YLPM1: variants seen among roughly 807,000 people sequenced by gnomAD.
YLPM1 encodes YLP motif containing 1, also known as YLP motif-containing protein 1.
A neutral mutation model predicts 230.0 loss-of-function variants in YLPM1; 99 were observed. The ratio of observed to expected loss-of-function variants is 0.43; its 90% CI spans 0.37 to 0.51. YLPM1 has a LOEUF of 0.51. Among genes scored for constraint, YLPM1 ranks in the 20% least tolerant of loss-of-function variants. The pLI is 0.00. For synonymous variants in YLPM1, 984 were observed against 942.5 expected, an observed-to-expected ratio of 1.04 and a Z score of -0.81; for missense variants, 2,592 against 2,707.7, an observed-to-expected ratio of 0.96 and a Z score of 0.95.
At chr14:74,795,746 G>T (rs1181021449) in intron 4 of YLPM1, among the ~76,000 whole-genome samples, 1 of 152,252 alleles carries the variant, frequency 6.6e-6, no homozygotes, top group East Asian at 1.9e-4. Flanking sequence ...ACTATATTTA[G>T]TGGCTCTAAG....
At chr14:74,830,846 A>G (rs938926182) in intron 19 of YLPM1, among the ~76,000 whole-genome samples, 1 of 152,212 alleles carries the variant, frequency 6.6e-6, no homozygotes, top group African/African-American at 2.4e-5. Context: ...GAGGGCACCA[A>G]GACATTCACG....
chr14:74,827,378 A>G (rs1034401077), intron 18 of YLPM1: 1 of 985,416 alleles, frequency 1.0e-6, no homozygotes, highest in African/African-American at 1.7e-5. Flanking sequence ...CCAGTATGCC[A>G]TGTGGAAGAG....
At chr14:74,818,738 A>G (rs1260390441) in intron 16 of YLPM1, among the ~76,000 whole-genome samples, 1 of 152,220 alleles carries the variant, frequency 6.6e-6, no homozygotes, top group Non-Finnish European at 1.5e-5. Context: ...TATAGTTTAT[A>G]TTCACATTTT....
rs542750037 is a variant in YLPM1, at chr14:74,784,113, T to C, written c.2282+1788T>C. 3.9e-5 allele frequency among the ~76,000 whole-genome samples: 6 copies of C among 152,378 alleles called. No individual in the cohort carries two copies. In the South Asian group the frequency reaches 1.2e-3, roughly 32 times the overall value. On this transcript the variant is annotated intron_variant, in intron 4 of 20. Coordinates refer to ENST00000325680, the MANE Select transcript of YLPM1 (RefSeq NM_019589.3). The stretch of plus-strand genomic sequence containing the variant: ...ATCTCCTGGAATGAGCATTGCCTTT[T>C]AGATCTGGTAACTAATTTGCTATCA...
Position 74,798,689 on chromosome 14 carries a change from G to A in YLPM1, c.3392G>A (p.Arg1131Lys). 2 of 1,612,066 alleles carry A rather than the reference G, an allele frequency of 1.2e-6. No individual in the cohort carries two copies. Among genetic ancestry groups the A allele is most frequent in the Non-Finnish European group, 8.5e-7 (1 of 1,178,762 alleles). ...GGACCTCTTCGAAGGGCTGGGAGTA[G>A]AGAGAGAATACCACCCCGAAGAGCT... The part of the protein sequence containing the change: ...ERGPLRRAGS[R>K]ERIPPRRAGS... Residue 1131 changes from arginine to lysine, a missense_variant, in exon 5 of 21, where the codon AGA becomes AAA. Physicochemically the swap from Arg to Lys is conservative, Grantham distance 26. Coordinates refer to ENST00000325680, the MANE Select transcript of YLPM1 (RefSeq NM_019589.3).
intron 1 of YLPM1, among the ~76,000 whole-genome samples, chr14:74,767,942 A>G (rs1440501540): frequency 2.6e-5 from 4 of 152,004 alleles, no homozygotes; most frequent in Non-Finnish European, 5.9e-5. Context: ...TAGTAATGCC[A>G]TTGGTCCCTC....
At chr14:74,774,600 G>C (rs2091013934) in intron 1 of YLPM1, among the ~76,000 whole-genome samples, 3 of 152,106 alleles carry the variant, frequency 2.0e-5, no homozygotes, top group South Asian at 2.1e-4. Flanking sequence ...GAGAGATGGG[G>C]TTTCACCGTG....
intron 6 of YLPM1, among the ~76,000 whole-genome samples, chr14:74,803,741 A>G (rs1480571104): frequency 1.3e-5 from 2 of 151,960 alleles, no homozygotes; most frequent in Non-Finnish European, 2.9e-5. Context: ...ATCTTGCTCC[A>G]TCTTGCTGAT....
intron 6 of YLPM1, among the ~76,000 whole-genome samples, chr14:74,804,584 A>G (rs1015477941): frequency 2.6e-5 from 4 of 152,156 alleles, no homozygotes; most frequent in Non-Finnish European, 5.9e-5. Flanking sequence ...CAACTGGCTA[A>G]TGTTTGTTTA....
At chr14:74,828,563 G>C (rs1211702604) in intron 18 of YLPM1, among the ~76,000 whole-genome samples, 1 of 152,146 alleles carries the variant, frequency 6.6e-6, no homozygotes, top group African/African-American at 2.4e-5. Flanking sequence ...GGTTCAGAAA[G>C]AATTACCAGG....
chr14:74,768,797 T>C (rs2090941284), intron 1 of YLPM1, among the ~76,000 whole-genome samples: 1 of 152,100 alleles, frequency 6.6e-6, no homozygotes, highest in Non-Finnish European at 1.5e-5. Context: ...GGAGAAGACA[T>C]TTAGTAAGTA....
intron 1 of YLPM1, among the ~76,000 whole-genome samples, chr14:74,777,993 A>T (rs1230274960): frequency 6.6e-6 from 1 of 151,910 alleles, no homozygotes; most frequent in Non-Finnish European, 1.5e-5. Flanking sequence ...AAGAAAGAAA[A>T]GAGGGAGGAG....
chr14:74,786,382 AG>A (rs200643206), intron 4 of YLPM1, among the ~76,000 whole-genome samples: 1,981 of 142,000 alleles, frequency 0.014, 50 homozygotes, highest in African/African-American at 0.049. Context: ...AAAAAAAAAA[AG>A]GCACACATGG....
At chr14:74,810,852 C>T (rs764214663) in intron 9 of YLPM1, among the ~76,000 whole-genome samples, 25 of 152,136 alleles carry the variant, frequency 1.6e-4, no homozygotes, top group Admixed American at 6.5e-4. Flanking sequence ...CGGGGTCTCT[C>T]TCAGTCTGTC....
intron 4 of YLPM1, among the ~76,000 whole-genome samples, chr14:74,796,179 C>T (rs181300969): frequency 6.6e-6 from 1 of 152,326 alleles, no homozygotes; most frequent in East Asian, 1.9e-4. Flanking sequence ...TAGTCTCTGC[C>T]ACATGAGGCA....
intron 4 of YLPM1, among the ~76,000 whole-genome samples, chr14:74,790,937 T>C (rs1405694901): frequency 6.6e-6 from 1 of 152,196 alleles, no homozygotes; most frequent in Non-Finnish European, 1.5e-5. Flanking sequence ...CTTTGAACTT[T>C]GAAAATTTGA....
intron 1 of YLPM1, among the ~76,000 whole-genome samples, chr14:74,776,817 CT>C (rs2091045129): frequency 6.6e-6 from 1 of 152,112 alleles, no homozygotes. Context: ...AATCCCAGCA[CT>C]TTGGGAGGCC....
rs1349488753 is a variant in YLPM1, at chr14:74,827,845, G to A, written c.6164-1368G>A. ...CAGGGGGTCACTTCTTTAAGATCAT[G>A]TATAATACGGCCCGTCATATACACG... On this transcript the variant is annotated intron_variant, in intron 18 of 20. Transcript: ENST00000325680. 6 of 985,230 alleles carry A rather than the reference G, an allele frequency of 6.1e-6. No individual in the cohort carries two copies. The Admixed American group carries it at 2.5e-4, about 40-fold the overall frequency. The allele number at this position is 985,230 out of a possible 1,614,324, so 61.0% of individuals were successfully genotyped here.
Position 74,809,810 on chromosome 14 carries a change from A to G in YLPM1, c.4939+13A>G. 6.2e-7 allele frequency: 1 copy of G among 1,612,754 alleles called. No individual in the cohort carries two copies. The highest frequency in any genetic ancestry group is 8.5e-7 in the Non-Finnish European group (1 of 1,179,520). ...GGCCATGGCCGAGGTGAGTAATGAT[A>G]GTGCACTTGTATTTGGGATTCTACA... On this transcript the variant is annotated intron_variant, in intron 7 of 20. Transcript: ENST00000325680.
Sources: gnomAD v4.1 joint callset for allele counts (sites outside exome capture counted in the v4.1 genomes callset) on GRCh38, gnomAD v4.1.1 for gene constraint, MANE v1.5 for transcripts, NCBI Gene and HGNC (gene_info 2026-07-23, HGNC 2026-07-21) for gene names.